The following MANBA variants were observed in gnomAD, a reference collection of about 807,000 sequenced individuals.
MANBA encodes mannosidase beta.
In MANBA, 83 loss-of-function variants were observed where a neutral mutation model predicts 111.1. The ratio of observed to expected loss-of-function variants is 0.75; its 90% CI spans 0.63 to 0.90. The LOEUF (loss-of-function observed/expected upper bound fraction) is 0.90. MANBA is among the 40% of genes least tolerant of loss of function. MANBA has a pLI of 0.00. For missense variants in MANBA, 1,036 were observed against 1,069.0 expected (o/e 0.97, Z 0.43); for synonymous variants, 370 against 378.7 (o/e 0.98, Z 0.27).
chr4:102,680,277 G>C (rs370627651), intron 7 of MANBA, among the ~76,000 whole-genome samples: 217 of 152,228 alleles, frequency 1.4e-3, no homozygotes, highest in African/African-American at 4.9e-3. Flanking sequence ...ACTGTACATT[G>C]TTCAAGATGG....
rs542711498 is a variant in MANBA, at chr4:102,752,487, G to A, written c.177+8231C>T. 5.3e-6 allele frequency: 4 copies of A among 748,684 alleles called. No homozygotes were observed. The South Asian group carries it at 5.4e-5, about 10-fold the overall frequency. The allele number at this position is 748,684 out of a possible 1,614,324, so 46.4% of individuals were successfully genotyped here. A position where few individuals can be genotyped will look rare whatever the true frequency, so the allele number is the denominator to read the frequency against. ...GATCTTTAGATAACATTGTCAAGTTGTGGGATACAAGAAGTTGTATGATCT... is the reference window on the plus strand; with the variant it reads ...GATCTTTAGATAACATTGTCAAGTTATGGGATACAAGAAGTTGTATGATCT... On this transcript the variant is annotated intron_variant, in intron 1 of 16. Transcript: ENST00000647097.
chr4:102,684,284 G>A (rs1008264406), intron 7 of MANBA, among the ~76,000 whole-genome samples: 1 of 152,182 alleles, frequency 6.6e-6, no homozygotes, highest in African/African-American at 2.4e-5. Flanking sequence ...GTGAAATAAG[G>A]AGGGGCTGGT....
At chr4:102,632,362 T>A in intron 16 of MANBA, 81 bp from the exon 17 acceptor site, 2 of 1,140,230 alleles carry the variant, frequency 1.8e-6, no homozygotes, top group Non-Finnish European at 2.6e-6. Flanking sequence ...TGTAAACATT[T>A]ATGTGGGCTT....
rs189023845 is a variant in MANBA, at chr4:102,688,138, T to C, written c.960+1436A>G. Among the ~76,000 whole-genome samples, 1,312 of 152,280 alleles carry C rather than the reference T, an allele frequency of 8.6e-3. 74 individuals are homozygous for C. Among genetic ancestry groups the C allele is most frequent in the Admixed American group, 0.076 (1,160 of 15,290 alleles). ...TAAGTTGGAATGACTCATTATTTTT[T>C]ACATTTTCATGAAAACAACACACAA... is the stretch of plus-strand genomic sequence containing the variant. On this transcript the variant is annotated intron_variant, in intron 7 of 16. Transcript: ENST00000647097.
intron 4 of MANBA, among the ~76,000 whole-genome samples, chr4:102,720,113 G>T (rs1050395348): frequency 6.6e-6 from 1 of 152,142 alleles, no homozygotes; most frequent in African/African-American, 2.4e-5. Flanking sequence ...TTAGGATCCA[G>T]GATAGTTTCA....
chr4:102,667,009 G>C (rs983851209), intron 10 of MANBA: 1 of 152,154 alleles, frequency 6.6e-6, no homozygotes, highest in Non-Finnish European at 1.5e-5. Context: ...ATGAACTCTA[G>C]ATTTTAACAC....
intron 1 of MANBA, among the ~76,000 whole-genome samples, chr4:102,754,568 T>A (rs1186764343): frequency 6.6e-6 from 1 of 151,986 alleles, no homozygotes; most frequent in Non-Finnish European, 1.5e-5. Flanking sequence ...TATTTATTTT[T>A]TTTTTTGAGA....
chr4:102,642,356 C>T (rs915755320), intron 13 of MANBA, among the ~76,000 whole-genome samples: 6 of 152,088 alleles, frequency 3.9e-5, no homozygotes, highest in African/African-American at 9.7e-5. Flanking sequence ...GCCTGTAATC[C>T]CAGCACTTTG....
In MANBA at chr4:102,711,282, C is replaced by A. The variant is rs535700356; in HGVS notation, c.673+3156G>T. On this transcript the variant is annotated intron_variant, in intron 5 of 16. Transcript: ENST00000647097. ...AACTGAACAGTAAAAAAGCAAATAA[C>A]CCCATTTAAAAGTGGGCAAAGGACA... Among the ~76,000 whole-genome samples, 4 of 152,188 alleles carry A rather than the reference C, an allele frequency of 2.6e-5. No individual in the cohort carries two copies. In the South Asian group the frequency reaches 6.2e-4, roughly 24 times the overall value.
intron 1 of MANBA, chr4:102,730,392 C>T (rs1017152772): frequency 1.4e-5 from 7 of 486,766 alleles, no homozygotes; most frequent in African/African-American, 3.9e-5. Context: ...AGCAAGTCGG[C>T]AACCTTGCTG....
intron 5 of MANBA, among the ~76,000 whole-genome samples, chr4:102,692,409 G>A (rs143901519): frequency 2.0e-5 from 3 of 152,242 alleles, no homozygotes; most frequent in South Asian, 4.1e-4. Flanking sequence ...TTTTATATAC[G>A]CGCAGTATGA....
Position 102,631,862 on chromosome 4 carries a change from A to G in MANBA, c.*195T>C. 3.1e-6 allele frequency: 2 copies of G among 645,438 alleles called. No homozygotes were observed. The highest frequency in any genetic ancestry group is 5.5e-6 in the Non-Finnish European group (2 of 361,060). The allele number at this position is 645,438 out of a possible 1,614,324, so 40.0% of individuals were successfully genotyped here. On this transcript the variant is annotated 3_prime_UTR_variant, in exon 17 of 17. Transcript: ENST00000647097. ...GGACACCCCGGCACAGGCTTGTTTG[A>G]GGACATTGCCTGGGTAAACAGCCTC...
At chr4:102,743,733 C>T (rs896444760) in intron 1 of MANBA, among the ~76,000 whole-genome samples, 2 of 152,194 alleles carry the variant, frequency 1.3e-5, no homozygotes, top group African/African-American at 4.8e-5. Flanking sequence ...GGTCAGAAAG[C>T]ACCCACTTCA....
At chr4:102,667,105 C>A (rs1382967502) in intron 10 of MANBA, 1 of 152,168 alleles carries the variant, frequency 6.6e-6, no homozygotes, top group Non-Finnish European at 1.5e-5. Context: ...CTCTCAAAAT[C>A]CTTTTGACAT....
chr4:102,717,678 G>A (rs1722396777), intron 4 of MANBA, among the ~76,000 whole-genome samples: 1 of 152,182 alleles, frequency 6.6e-6, no homozygotes, highest in Non-Finnish European at 1.5e-5. Flanking sequence ...ACAGTCATGA[G>A]TCACTGTGCC....
chr4:102,737,624 A>T (rs1189238368), intron 1 of MANBA, among the ~76,000 whole-genome samples: 1 of 152,134 alleles, frequency 6.6e-6, no homozygotes, highest in African/African-American at 2.4e-5. Context: ...CTGGGACCAC[A>T]GGCGCCCGCC....
intron 1 of MANBA, among the ~76,000 whole-genome samples, chr4:102,734,126 A>G (rs1336767999): frequency 1.3e-5 from 2 of 152,346 alleles, no homozygotes; most frequent in East Asian, 3.9e-4. Context: ...AGATGTGTCA[A>G]TGTCTGTTCA....
At chr4:102,671,022 CA>C (rs953458018) in intron 9 of MANBA, 1 of 286,570 alleles carries the variant, frequency 3.5e-6, no homozygotes, top group African/African-American at 2.2e-5. Context: ...CTAAATATCA[CA>C]AAGAAAATTA....
chr4:102,632,577 A>C (rs931788473), intron 16 of MANBA, among the ~76,000 whole-genome samples: 3 of 152,244 alleles, frequency 2.0e-5, no homozygotes, highest in African/African-American at 7.2e-5. Context: ...TTTTTCTCAG[A>C]GTATCATCAA....
Sources: gnomAD v4.1 joint callset for allele counts (sites outside exome capture counted in the v4.1 genomes callset) on GRCh38, gnomAD v4.1.1 for gene constraint, MANE v1.5 for transcripts, NCBI Gene and HGNC (gene_info 2026-07-23, HGNC 2026-07-21) for gene names.